SNX29: variants seen among roughly 807,000 people sequenced by gnomAD.
SNX29 encodes sorting nexin 29.
A neutral mutation model predicts 102.1 loss-of-function variants in SNX29; 78 were observed. The observed-to-expected ratio is 0.76, with a 90% CI of 0.64 to 0.92. SNX29 has a LOEUF of 0.92. Ranked by LOEUF, SNX29 falls within the 40% of genes least tolerant of loss-of-function variation. The pLI, the probability that SNX29 is intolerant of heterozygous loss-of-function variation, is 0.00. For missense variants in SNX29, 1,280 were observed against 1,061.7 expected (o/e 1.21, Z -2.86); for synonymous variants, 580 against 414.5 (o/e 1.40, Z -4.85).
intron 14 of SNX29, among the ~76,000 whole-genome samples, chr16:12,251,041 C>T (rs1055680220): frequency 1.1e-4 from 16 of 152,234 alleles, no homozygotes; most frequent in Non-Finnish European, 2.4e-4. Flanking sequence ...CTCTGGGCTG[C>T]GGGCCATGTG....
At chr16:12,176,390 G>C (rs1236507905) in intron 13 of SNX29, among the ~76,000 whole-genome samples, 1 of 152,184 alleles carries the variant, frequency 6.6e-6, no homozygotes, top group African/African-American at 2.4e-5. Flanking sequence ...TGTGAAATGG[G>C]AATAGTGAAT....
intron 15 of SNX29, among the ~76,000 whole-genome samples, chr16:12,316,072 C>T (rs209850): frequency 0.44 from 66,162 of 151,980 alleles, 15,973 homozygotes; most frequent in Non-Finnish European, 0.57. Context: ...TGAATGCTGG[C>T]TGGGGAAGGG....
At chr16:12,349,435 T>C (rs1172754475) in intron 15 of SNX29, among the ~76,000 whole-genome samples, 1 of 152,216 alleles carries the variant, frequency 6.6e-6, no homozygotes. Flanking sequence ...ATGGACACTG[T>C]AAGACAATGT....
chr16:12,219,074 C>T (rs1016828581), intron 14 of SNX29, among the ~76,000 whole-genome samples: 1 of 152,082 alleles, frequency 6.6e-6, no homozygotes, highest in Non-Finnish European at 1.5e-5. Context: ...GCGCCTGGCC[C>T]TGTTTCCAGG....
rs139584133 is a variant in SNX29 at position 12,574,233 on chromosome 16, C to A, written c.*5604C>A. 99 of 177,122 alleles carry A rather than the reference C, an allele frequency of 5.6e-4. 1 individual carries two copies. Among genetic ancestry groups the A allele is most frequent in the African/African-American group, 2.2e-3 (92 of 42,324 alleles). 11.0% of individuals were successfully genotyped at this position (177,122 alleles called of 1,614,324 possible). A position where few individuals can be genotyped will look rare whatever the true frequency, so the allele number is the denominator to read the frequency against. ...AATTTTGTTACAACCTGGTTGAGAT[C>A]AACCTCTTTACAATGACACAAATTG... is the stretch of plus-strand genomic sequence containing the variant. On this transcript the variant is annotated 3_prime_UTR_variant, in exon 21 of 21. Transcript: ENST00000566228.
At chr16:12,451,861 C>T (rs1268841074) in intron 18 of SNX29, among the ~76,000 whole-genome samples, 1 of 152,206 alleles carries the variant, frequency 6.6e-6, no homozygotes, top group African/African-American at 2.4e-5. Context: ...AAGACTTCAT[C>T]TAAAAATAAA....
intron 18 of SNX29, among the ~76,000 whole-genome samples, chr16:12,470,453 G>A (rs991608445): frequency 2.6e-5 from 4 of 152,162 alleles, no homozygotes; most frequent in African/African-American, 9.7e-5. Context: ...ACTCTTGCCC[G>A]GGAACCTGGG....
At position 12,571,628 on chromosome 16, in the gene SNX29, T is replaced by C. The variant is rs1048315349; in HGVS notation, c.*2999T>C. The C allele has an allele frequency of 8.5e-6, 9 of 1,058,858 alleles. No individual in the cohort carries two copies. The highest frequency in any genetic ancestry group is 5.2e-5 in the East Asian group (1 of 19,314). The allele number at this position is 1,058,858 out of a possible 1,614,324, so 65.6% of individuals were successfully genotyped here. A position where few individuals can be genotyped will look rare whatever the true frequency, so the allele number is the denominator to read the frequency against. On this transcript the variant is annotated 3_prime_UTR_variant, in exon 21 of 21. Transcript: ENST00000566228. ...CAGGTTCCATCTTTCACATCTTTTT[T>C]TCTCCCCCAGATGAAAGACGACTCA...
intron 15 of SNX29, among the ~76,000 whole-genome samples, chr16:12,327,333 G>C (rs2081149297): frequency 6.6e-6 from 1 of 152,132 alleles, no homozygotes; most frequent in Non-Finnish European, 1.5e-5. Context: ...GTATTAATTA[G>C]CTAGAGCTGC....
chr16:12,174,073 C>T (rs2076208387), intron 13 of SNX29, among the ~76,000 whole-genome samples: 1 of 152,178 alleles, frequency 6.6e-6, no homozygotes, highest in Non-Finnish European at 1.5e-5. Context: ...TGAGCCACTG[C>T]CCCCGGCCCC....
At chr16:12,046,693 C>G (rs1446934436) in intron 6 of SNX29, among the ~76,000 whole-genome samples, 7 of 152,222 alleles carry the variant, frequency 4.6e-5, no homozygotes, top group Admixed American at 4.6e-4. Context: ...AACCTCGGCT[C>G]ACTGCAACCT....
chr16:12,228,658 T>C (rs1272556808), intron 14 of SNX29, among the ~76,000 whole-genome samples: 3 of 152,344 alleles, frequency 2.0e-5, no homozygotes, highest in South Asian at 2.1e-4. Flanking sequence ...TTTTCAACCC[T>C]GTCTGGTGCG....
chr16:12,212,408 G>A (rs187702735), intron 14 of SNX29, among the ~76,000 whole-genome samples: 188 of 152,288 alleles, frequency 1.2e-3, no homozygotes, highest in Middle Eastern at 0.01. Flanking sequence ...TTCGTCCATG[G>A]TAGACAGAAG....
chr16:12,183,088 C>T (rs929171915), intron 13 of SNX29, among the ~76,000 whole-genome samples: 1 of 152,118 alleles, frequency 6.6e-6, no homozygotes, highest in East Asian at 1.9e-4. Flanking sequence ...CAGCTGCAGC[C>T]TCCTGGGATC....
intron 18 of SNX29, among the ~76,000 whole-genome samples, chr16:12,444,131 C>G (rs1379129142): frequency 2.0e-5 from 3 of 152,032 alleles, no homozygotes; most frequent in Admixed American, 2.0e-4. Flanking sequence ...AGTATAGCAC[C>G]TAGCACGTAG....
At chr16:12,003,642 T>G (rs2056364593) in intron 3 of SNX29, among the ~76,000 whole-genome samples, 2 of 152,208 alleles carry the variant, frequency 1.3e-5, no homozygotes, top group Non-Finnish European at 2.9e-5. Flanking sequence ...GTAAGAATAC[T>G]GGGAATATTG....
At chr16:12,537,254 CCTT>C (rs1232236095) in intron 20 of SNX29, among the ~76,000 whole-genome samples, 6 of 152,172 alleles carry the variant, frequency 3.9e-5, no homozygotes, top group African/African-American at 7.2e-5. Flanking sequence ...AAATAATGTA[CCTT>C]CTTTTCACCT....
intron 14 of SNX29, among the ~76,000 whole-genome samples, chr16:12,207,444 C>T (rs2077072749): frequency 6.6e-6 from 1 of 152,186 alleles, no homozygotes; most frequent in Non-Finnish European, 1.5e-5. Context: ...TGAGTTAACC[C>T]AGTGCCTTTA....
chr16:12,539,968 A>AACT (rs2077252489), intron 20 of SNX29, among the ~76,000 whole-genome samples: 1 of 152,192 alleles, frequency 6.6e-6, no homozygotes, highest in Non-Finnish European at 1.5e-5. Flanking sequence ...TGTGAGTTGC[A>AACT]CATATTTTCT....
Sources: allele counts gnomAD v4.1 joint callset (sites outside exome capture counted in the v4.1 genomes callset), GRCh38; gene constraint gnomAD v4.1.1; transcripts MANE v1.5; gene names NCBI Gene and HGNC (gene_info 2026-07-23, HGNC 2026-07-21).